OPCML: variants seen among roughly 807,000 people sequenced by gnomAD.
OPCML encodes the protein opioid-binding protein/cell adhesion molecule.
OPCML carries 13 observed loss-of-function variants against 37.8 expected under a neutral mutation model. The observed-to-expected ratio is 0.34, with a 90% CI of 0.22 to 0.55. The LOEUF (loss-of-function observed/expected upper bound fraction) is 0.55. OPCML is among the 20% of genes least tolerant of loss of function. The pLI is 0.91. For synonymous variants in OPCML, 176 were observed against 168.8 expected, an observed-to-expected ratio of 1.04 and a Z score of -0.33; for missense variants, 341 against 435.6, an observed-to-expected ratio of 0.78 and a Z score of 1.93.
At chr11:133,190,855 T>C (rs1938280431) in intron 1 of OPCML, among the ~76,000 whole-genome samples, 1 of 152,242 alleles carries the variant, frequency 6.6e-6, no homozygotes, top group Non-Finnish European at 1.5e-5. Context: ...ATTATATGGC[T>C]TGACTATATT....
At chr11:132,952,404 C>T (rs1488892197) in intron 1 of OPCML, among the ~76,000 whole-genome samples, 1 of 152,138 alleles carries the variant, frequency 6.6e-6, no homozygotes, top group Non-Finnish European at 1.5e-5. Flanking sequence ...CAAACCAATC[C>T]CTATATGATA....
chr11:132,549,473 T>C (rs1033789894), intron 3 of OPCML, among the ~76,000 whole-genome samples: 1 of 152,220 alleles, frequency 6.6e-6, no homozygotes, highest in Non-Finnish European at 1.5e-5. Context: ...TGGTCACTCT[T>C]TTATTCCTTT....
At chr11:132,967,291 A>G (rs1946237272) in intron 1 of OPCML, among the ~76,000 whole-genome samples, 1 of 152,092 alleles carries the variant, frequency 6.6e-6, no homozygotes, top group South Asian at 2.1e-4. Context: ...ATTTCTATAT[A>G]GCTTTATGCC....
chr11:133,371,736 G>A (rs905957630), intron 1 of OPCML, among the ~76,000 whole-genome samples: 1 of 152,202 alleles, frequency 6.6e-6, no homozygotes, highest in African/African-American at 2.4e-5. Flanking sequence ...AGATTACCCA[G>A]TATCAGGTAT....
chr11:133,164,541 C>T (rs954421016), intron 1 of OPCML, among the ~76,000 whole-genome samples: 4 of 152,198 alleles, frequency 2.6e-5, no homozygotes, highest in Middle Eastern at 3.4e-3. Context: ...CACTCGAGAC[C>T]GCAGGTAAGA....
chr11:133,003,675 A>G, intron 1 of OPCML: 1 of 985,322 alleles, frequency 1.0e-6, no homozygotes, highest in South Asian at 4.7e-5. Context: ...CAAACAAAAT[A>G]CCCAGCATTC....
chr11:133,060,223 C>T (rs1413959555), intron 1 of OPCML, among the ~76,000 whole-genome samples: 4 of 151,828 alleles, frequency 2.6e-5, no homozygotes, highest in Non-Finnish European at 4.4e-5. Context: ...CCTCCACCTC[C>T]TTCTCCCCAT....
chr11:133,191,493 CTGTGTGTGTGGGTGTGTGTGTG>C (rs1938311849), intron 1 of OPCML, among the ~76,000 whole-genome samples: 1 of 119,716 alleles, frequency 8.4e-6, no homozygotes, highest in African/African-American at 3.3e-5. Context: ...TTTTTCTTTT[CTGTGTGTGTGGGTGTGTGTGTG>C]TGTGTGTGTG....
chr11:133,330,162 T>C (rs1005424636), intron 1 of OPCML, among the ~76,000 whole-genome samples: 17 of 152,216 alleles, frequency 1.1e-4, no homozygotes, highest in African/African-American at 3.1e-4. Flanking sequence ...CTTAGAATGG[T>C]GATCATTAAA....
At chr11:133,079,070 C>T (rs1453615084) in intron 1 of OPCML, among the ~76,000 whole-genome samples, 1 of 152,150 alleles carries the variant, frequency 6.6e-6, no homozygotes, top group Non-Finnish European at 1.5e-5. Context: ...CACCCAGTTC[C>T]TGCCGTGTCT....
At chr11:133,383,765 T>C (rs1447429235) in intron 1 of OPCML, among the ~76,000 whole-genome samples, 1 of 152,098 alleles carries the variant, frequency 6.6e-6, no homozygotes, top group Non-Finnish European at 1.5e-5. Context: ...AGCTATTTAG[T>C]GTTAAGCTAT....
intron 1 of OPCML, among the ~76,000 whole-genome samples, chr11:132,958,300 C>T (rs566150984): frequency 1.3e-5 from 2 of 152,306 alleles, no homozygotes; most frequent in East Asian, 3.9e-4. Flanking sequence ...TCTATGAAGG[C>T]TGAGACAGGT....
chr11:133,449,666 T>G (rs1946540445), intron 1 of OPCML, among the ~76,000 whole-genome samples: 1 of 151,858 alleles, frequency 6.6e-6, no homozygotes, highest in African/African-American at 2.4e-5. Flanking sequence ...CATCTTCACA[T>G]GGCTTCCTCT....
intron 1 of OPCML, among the ~76,000 whole-genome samples, chr11:133,462,181 G>T (rs573154117): frequency 6.6e-6 from 1 of 151,966 alleles, no homozygotes; most frequent in Non-Finnish European, 1.5e-5. Flanking sequence ...ATTATTAAAA[G>T]GTAATCAACT....
intron 1 of OPCML, among the ~76,000 whole-genome samples, chr11:133,019,047 TGTGA>T (rs1947397260): frequency 6.6e-6 from 1 of 152,222 alleles, no homozygotes; most frequent in Non-Finnish European, 1.5e-5. Flanking sequence ...ATGATGTTAC[TGTGA>T]GTGATTATGA....
chr11:133,276,068 T>C (rs1459861273), intron 1 of OPCML, among the ~76,000 whole-genome samples: 1 of 152,130 alleles, frequency 6.6e-6, no homozygotes, highest in Non-Finnish European at 1.5e-5. Context: ...AGATTCAGTA[T>C]AAAAAATGAC....
At chr11:133,348,334 T>C (rs1944047627) in intron 1 of OPCML, among the ~76,000 whole-genome samples, 1 of 152,208 alleles carries the variant, frequency 6.6e-6, no homozygotes, top group African/African-American at 2.4e-5. Context: ...TAATTCATCT[T>C]TGAATCCCCC....
intron 2 of OPCML, among the ~76,000 whole-genome samples, chr11:132,735,868 C>T (rs2136023297): frequency 6.6e-6 from 1 of 152,178 alleles, no homozygotes; most frequent in East Asian, 1.9e-4. Context: ...TCTTTGGATG[C>T]CCAAACATCT....
intron 3 of OPCML, among the ~76,000 whole-genome samples, chr11:132,603,833 T>G (rs1938089152): frequency 6.6e-6 from 1 of 152,240 alleles, no homozygotes; most frequent in Admixed American, 6.5e-5. Flanking sequence ...ATCTTCCTAA[T>G]TAACTCATTT....
Sources: gnomAD v4.1 joint callset for allele counts (sites outside exome capture counted in the v4.1 genomes callset) on GRCh38, gnomAD v4.1.1 for gene constraint, MANE v1.5 for transcripts, NCBI Gene and HGNC (gene_info 2026-07-23, HGNC 2026-07-21) for gene names.